The following UGT2A1 variants were observed in gnomAD, a reference collection of about 807,000 sequenced individuals.
The protein encoded by UGT2A1 is UDP glucuronosyltransferase family 2 member A1 complex locus.
Under a neutral mutation model 45.4 loss-of-function variants are expected in UGT2A1, and 61 were observed. That is an observed-to-expected ratio of 1.34 (90% CI 1.09 to 1.66). The LOEUF (loss-of-function observed/expected upper bound fraction) is 1.66, where lower values mean the gene tolerates loss of function less well. Among genes scored for constraint, UGT2A1 ranks in the 40% most tolerant of loss-of-function variants. UGT2A1 has a pLI of 0.00. For missense variants in UGT2A1, 649 were observed against 574.3 expected, an observed-to-expected ratio of 1.13 and a Z score of -1.33; for synonymous variants, 229 against 196.2, an observed-to-expected ratio of 1.17 and a Z score of -1.40.
Position 69,605,780 on chromosome 4 carries a change from G to T in UGT2A1, c.848-6386C>A, listed in dbSNP as rs1220779137. Among the ~76,000 whole-genome samples, 3 of 136,848 alleles carry T rather than the reference G, an allele frequency of 2.2e-5. 1 individual carries two copies. Among genetic ancestry groups the T allele is most frequent in the Non-Finnish European group, 1.6e-5 (1 of 64,290 alleles). The allele number at this position is 136,848 out of a possible 152,430, so 89.8% of individuals were successfully genotyped here. A position where few individuals can be genotyped will look rare whatever the true frequency, so the allele number is the denominator to read the frequency against. ...CACAGAAATACAAAGTACCATCAGA[G>T]AATACTATAAACACCTCTACACAAA... On this transcript the variant is annotated intron_variant, in intron 3 of 6. Coordinates refer to ENST00000286604, the MANE Select transcript of UGT2A1 (RefSeq NM_001252275.3).
chr4:69,648,092 T>C (rs549361778), intron 1 of UGT2A1, among the ~76,000 whole-genome samples: 137 of 151,678 alleles, frequency 9.0e-4, no homozygotes, highest in African/African-American at 3.2e-3. Flanking sequence ...TTTAAATTTT[T>C]AATGCATGAA....
At chr4:69,618,205 G>GTGTATGTT (rs1352492118) in intron 3 of UGT2A1, among the ~76,000 whole-genome samples, 3,599 of 87,700 alleles carry the variant, frequency 0.041, 72 homozygotes, top group African/African-American at 0.07. Context: ...GTGTGTGTGT[G>GTGTATGTT]TGTGTGTGTG....
intron 3 of UGT2A1, among the ~76,000 whole-genome samples, chr4:69,626,097 T>G (rs553232150): frequency 6.6e-6 from 1 of 151,690 alleles, no homozygotes; most frequent in Admixed American, 6.6e-5. Flanking sequence ...TATTTATGCT[T>G]TGTTAACTAC....
intron 3 of UGT2A1, chr4:69,599,629 C>A: frequency 2.3e-6 from 1 of 434,860 alleles, no homozygotes; most frequent in Non-Finnish European, 3.8e-6. Context: ...GGCAGGCAAG[C>A]AGGGAGGGAG....
At chr4:69,611,897 A>T (rs1379180580) in intron 3 of UGT2A1, among the ~76,000 whole-genome samples, 1 of 152,066 alleles carries the variant, frequency 6.6e-6, no homozygotes, top group Non-Finnish European at 1.5e-5. Context: ...CATAAGTTCA[A>T]CTCCCCAAAT....
chr4:69,601,495 C>T (rs923694174), intron 3 of UGT2A1, among the ~76,000 whole-genome samples: 6 of 152,278 alleles, frequency 3.9e-5, no homozygotes, highest in African/African-American at 1.2e-4. Context: ...GGCCAACTGA[C>T]AGTCCATTAC....
rs183075229 is a variant in UGT2A1 at position 69,593,121 on chromosome 4, C to A, written c.1304+1356G>T. Among the ~76,000 whole-genome samples, 3 of 152,112 alleles carry A rather than the reference C, an allele frequency of 2.0e-5. No individual in the cohort carries two copies. In the East Asian group the frequency reaches 5.8e-4, roughly 29 times the overall value. On this transcript the variant is annotated intron_variant, in intron 6 of 6. Coordinates refer to ENST00000286604, the MANE Select transcript of UGT2A1 (RefSeq NM_001252275.3). Reference sequence around the variant, plus strand: ...ATATTGTATTCAGATAAAAGTCATTCTCATAACAAAGCAGTGAGTGAATAT... The same window carrying A: ...ATATTGTATTCAGATAAAAGTCATTATCATAACAAAGCAGTGAGTGAATAT...
At chr4:69,652,056 T>G (rs1198429373) in intron 1 of UGT2A1, among the ~76,000 whole-genome samples, 1 of 152,142 alleles carries the variant, frequency 6.6e-6, no homozygotes, top group Admixed American at 6.6e-5. Flanking sequence ...CCGCTCCTGC[T>G]CTGAAACTCC....
At chr4:69,637,067 C>T (rs1410771300) in intron 2 of UGT2A1, among the ~76,000 whole-genome samples, 1 of 152,002 alleles carries the variant, frequency 6.6e-6, no homozygotes, top group Admixed American at 6.6e-5. Flanking sequence ...TATTGTAGAA[C>T]ACATTTCAAA....
intron 1 of UGT2A1, among the ~76,000 whole-genome samples, chr4:69,648,728 C>T (rs1370217955): frequency 6.6e-6 from 1 of 151,970 alleles, no homozygotes; most frequent in East Asian, 1.9e-4. Context: ...GTGTACACTA[C>T]TTGAGTGATG....
intron 2 of UGT2A1, chr4:69,639,312 G>T: frequency 6.2e-7 from 1 of 1,613,712 alleles, no homozygotes; most frequent in Non-Finnish European, 8.5e-7. Flanking sequence ...TATTGTGAGA[G>T]GAGTTGGTCT....
At chr4:69,636,588 C>A (rs1205755444) in intron 2 of UGT2A1, among the ~76,000 whole-genome samples, 1 of 152,054 alleles carries the variant, frequency 6.6e-6, no homozygotes, top group Non-Finnish European at 1.5e-5. Flanking sequence ...CTTTTTCACA[C>A]TTATCTAATT....
intron 3 of UGT2A1, among the ~76,000 whole-genome samples, chr4:69,616,835 T>TTC (rs1553905494): frequency 4.5e-5 from 3 of 67,032 alleles, no homozygotes; most frequent in Non-Finnish European, 6.7e-5. Context: ...TTTCTTTTCT[T>TTC]TTTTTTTTTT....
chr4:69,589,422 A>G lies in UGT2A1; in HGVS notation c.1534T>C (p.Phe512Leu). The G allele has an allele frequency of 1.2e-6, 2 of 1,613,834 alleles. No individual in the cohort carries two copies. The highest frequency in any genetic ancestry group is 1.7e-6 in the Non-Finnish European group (2 of 1,179,852). Residue 512 changes from phenylalanine (F) to leucine (L), a missense_variant, in exon 7 of 7, where the codon TTT (phenylalanine) becomes CTT (leucine). Phe to Leu is a conservative substitution (Grantham distance 22, BLOSUM62 0). Transcript: ENST00000286604. The part of the protein sequence containing the change: ...AIFLVIQCCL[F>L]SCQKFGKIGK... Reference sequence around the variant, plus strand: ...ATCTTACCAAATTTTTGACAGGAAAACAAACAACATTGTATGACCAAAAAT... The same window carrying G: ...ATCTTACCAAATTTTTGACAGGAAAGCAAACAACATTGTATGACCAAAAAT...
chr4:69,646,192 T>G (rs1201380199), intron 2 of UGT2A1, among the ~76,000 whole-genome samples: 1 of 151,724 alleles, frequency 6.6e-6, no homozygotes, highest in Non-Finnish European at 1.5e-5. Context: ...TAGTAAAGAG[T>G]AAGAAATCTA....
At chr4:69,646,899 T>G (rs1722284388) in intron 2 of UGT2A1, 31 bp downstream of exon 2, 1 of 1,479,282 alleles carries the variant, frequency 6.8e-7, no homozygotes, top group Admixed American at 2.2e-5. Context: ...TTGTTCAAAT[T>G]CAAGTAATAA....
At chr4:69,610,619 G>C (rs955478455) in intron 3 of UGT2A1, among the ~76,000 whole-genome samples, 1 of 152,116 alleles carries the variant, frequency 6.6e-6, no homozygotes, top group African/African-American at 2.4e-5. Flanking sequence ...AAGGCCTTTA[G>C]AGATAATTAA....
rs764648503 is a variant in UGT2A1 at position 69,647,470 on chromosome 4, G to T, written c.175C>A (p.Leu59Ile). Residue 59 changes from leucine to isoleucine, a missense_variant, in exon 2 of 7, where the codon CTT becomes ATT. Physicochemically the swap from Leu to Ile is conservative, Grantham distance 5 (BLOSUM62 2). Transcript: ENST00000286604. ...GGGTTAGAGGTTGGTGTGATGAAAAGTGCACCAGAGGCAACTAGGACAGTC... is the reference window on the plus strand; with the variant it reads ...GGGTTAGAGGTTGGTGTGATGAAAATTGCACCAGAGGCAACTAGGACAGTC... ...NVTVLVASGA[L>I]FITPTSNPSL... The T allele has an allele frequency of 6.2e-7, 1 of 1,613,012 alleles. No individual in the cohort carries two copies. The highest frequency in any genetic ancestry group is 1.1e-5 in the South Asian group (1 of 90,992).
chr4:69,613,313 A>G (rs1195527818), intron 3 of UGT2A1, among the ~76,000 whole-genome samples: 1 of 152,014 alleles, frequency 6.6e-6, no homozygotes, highest in East Asian at 1.9e-4. Context: ...ACGAGGCATT[A>G]TCAAATAATG....
Sources: gnomAD v4.1 joint callset for allele counts (sites outside exome capture counted in the v4.1 genomes callset) on GRCh38, gnomAD v4.1.1 for gene constraint, MANE v1.5 for transcripts, NCBI Gene and HGNC (gene_info 2026-07-23, HGNC 2026-07-21) for gene names.